SLC4A4: variants seen among roughly 807,000 people sequenced by gnomAD.
SLC4A4 encodes solute carrier family 4 member 4.
SLC4A4 carries 27 observed loss-of-function variants against 111.5 expected under a neutral mutation model. The ratio of observed to expected loss-of-function variants is 0.24; its 90% confidence interval spans 0.18 to 0.33. The LOEUF (loss-of-function observed/expected upper bound fraction) is 0.33. Ranked by LOEUF, SLC4A4 falls within the 10% of genes least tolerant of loss-of-function variation. The probability of loss-of-function intolerance (pLI) is 1.00; values close to 1 mark genes in which losing one functional copy is unlikely to be tolerated. For missense variants in SLC4A4, 909 were observed against 1,315.5 expected, an observed-to-expected ratio of 0.69 and a Z score of 4.78; for synonymous variants, 443 against 463.4, an observed-to-expected ratio of 0.96 and a Z score of 0.57.
At chr4:71,414,055 G>A (rs1291769185) in intron 7 of SLC4A4, among the ~76,000 whole-genome samples, 1 of 152,190 alleles carries the variant, frequency 6.6e-6, no homozygotes, top group Non-Finnish European at 1.5e-5. Flanking sequence ...TGGTTCTTAA[G>A]CTTTTCTCAT....
intron 1 of SLC4A4, among the ~76,000 whole-genome samples, chr4:71,213,183 ATGACTGCATAAGACC>A (rs1340101004): frequency 2.0e-5 from 3 of 152,248 alleles, no homozygotes; most frequent in Non-Finnish European, 4.4e-5. Context: ...TTACCAATGC[ATGACTGCATAAGACC>A]TGATGATAAC....
At chr4:71,212,330 C>T (rs1192749276) in intron 1 of SLC4A4, among the ~76,000 whole-genome samples, 1 of 152,130 alleles carries the variant, frequency 6.6e-6, no homozygotes, top group African/African-American at 2.4e-5. Flanking sequence ...ATGTAGTCAC[C>T]ATCCTGTGTT....
intron 1 of SLC4A4, among the ~76,000 whole-genome samples, chr4:71,063,284 T>G (rs1021784721): frequency 1.1e-4 from 17 of 152,202 alleles, no homozygotes; most frequent in Admixed American, 2.6e-4. Flanking sequence ...GTAGTTTCTA[T>G]AAAGTGTTCT....
chr4:71,191,942 T>C (rs1745749981), intron 1 of SLC4A4, among the ~76,000 whole-genome samples: 1 of 152,106 alleles, frequency 6.6e-6, no homozygotes, highest in Non-Finnish European at 1.5e-5. Context: ...TAAATAAAAC[T>C]CCTAGTATGC....
At chr4:71,531,480 T>C (rs1213709692) in intron 16 of SLC4A4, among the ~76,000 whole-genome samples, 1 of 152,100 alleles carries the variant, frequency 6.6e-6, no homozygotes, top group Non-Finnish European at 1.5e-5. Flanking sequence ...TTGACATTAC[T>C]TTGAGGTCTT....
chr4:71,132,831 T>G lies in SLC4A4; in HGVS notation c.-2+40039T>G, dbSNP rs114974170. ...CCTAAGCAATCCAGTAATCAAAGTC[T>G]CTGTTATCATTGTCCTCTTTGGGAT... On this transcript the variant is annotated intron_variant, in intron 2 of 26. Coordinates refer to the SLC4A4 transcript ENST00000649996. Among the ~76,000 whole-genome samples the G allele has an allele frequency of 6.7e-3, 1,017 of 152,302 alleles. 5 individuals are homozygous for G. The highest frequency in any genetic ancestry group is 0.024 in the Middle Eastern group (7 of 294).
intron 1 of SLC4A4, among the ~76,000 whole-genome samples, chr4:71,200,108 C>T (rs1746182325): frequency 6.6e-6 from 1 of 152,166 alleles, no homozygotes; most frequent in South Asian, 2.1e-4. Flanking sequence ...GATGTGGGAT[C>T]TGACAGAACC....
At chr4:71,405,002 C>T (rs1720716253) in intron 7 of SLC4A4, among the ~76,000 whole-genome samples, 1 of 151,278 alleles carries the variant, frequency 6.6e-6, no homozygotes, top group Admixed American at 6.6e-5. Context: ...TTTTTTGAGA[C>T]ATGCAGTTTT....
At chr4:71,473,140 G>C in intron 14 of SLC4A4, 170 bp downstream of exon 14, 1 of 772,810 alleles carries the variant, frequency 1.3e-6, no homozygotes, top group Non-Finnish European at 2.2e-6. Context: ...AGGTATTTTA[G>C]CTGTATGATT....
At chr4:71,551,930 A>G (rs879393871) in intron 20 of SLC4A4, among the ~76,000 whole-genome samples, 1 of 151,910 alleles carries the variant, frequency 6.6e-6, no homozygotes, top group Non-Finnish European at 1.5e-5. Flanking sequence ...TATAGTTGTT[A>G]CTGCTGAAAG....
intron 2 of SLC4A4, among the ~76,000 whole-genome samples, chr4:71,145,556 G>A (rs1744139813): frequency 6.6e-6 from 1 of 151,730 alleles, no homozygotes; most frequent in African/African-American, 2.4e-5. Context: ...GGTAGAATTC[G>A]GCTGTGAATC....
In SLC4A4 at chr4:71,135,675, C is replaced by T. The variant is rs115414775; in HGVS notation, c.-2+42883C>T. On this transcript the variant is annotated intron_variant, in intron 2 of 26. Transcript: ENST00000649996. The stretch of plus-strand genomic sequence containing the variant: ...AGTTGCCACATTTTACAATAGATTT[C>T]TTGAACTTATTTCTCCTAACTGAAA... Among the ~76,000 whole-genome samples the T allele has an allele frequency of 3.7e-3, 567 of 152,268 alleles. 4 individuals are homozygous for T. The highest frequency in any genetic ancestry group is 0.012 in the African/African-American group (514 of 41,556).
chr4:71,161,471 T>C (rs1040185817), intron 2 of SLC4A4, among the ~76,000 whole-genome samples: 2 of 152,188 alleles, frequency 1.3e-5, no homozygotes, highest in Middle Eastern at 3.2e-3. Flanking sequence ...TAGACTTCCA[T>C]AGGGCAGGTC....
intron 18 of SLC4A4, among the ~76,000 whole-genome samples, chr4:71,535,332 C>T (rs918291512): frequency 6.6e-6 from 1 of 151,972 alleles, no homozygotes; most frequent in South Asian, 2.1e-4. Context: ...ACCCATTGAG[C>T]AGAGGAATGA....
At chr4:71,468,329 T>G (rs991087155) in intron 13 of SLC4A4, among the ~76,000 whole-genome samples, 3 of 152,056 alleles carry the variant, frequency 2.0e-5, no homozygotes, top group Non-Finnish European at 2.9e-5. Context: ...ATGCACAAAC[T>G]TTGCAGAAAG....
intron 1 of SLC4A4, among the ~76,000 whole-genome samples, chr4:71,194,042 CA>C (rs1268553081): frequency 2.0e-5 from 3 of 152,162 alleles, no homozygotes; most frequent in African/African-American, 7.2e-5. Context: ...AACTTGTCCT[CA>C]ATGCTTTACA....
intron 7 of SLC4A4, among the ~76,000 whole-genome samples, chr4:71,404,502 A>G (rs759652221): frequency 6.6e-6 from 1 of 152,154 alleles, no homozygotes; most frequent in Non-Finnish European, 1.5e-5. Flanking sequence ...ATTTGATGTC[A>G]CTTTTTTTCT....
intron 1 of SLC4A4, among the ~76,000 whole-genome samples, chr4:71,197,666 G>GTA (rs1380226715): frequency 7.2e-5 from 11 of 152,130 alleles, no homozygotes; most frequent in Admixed American, 1.3e-4. Context: ...CATGGCACAT[G>GTA]TATACATATG....
At chr4:71,231,754 C>T (rs575533009) in intron 1 of SLC4A4, among the ~76,000 whole-genome samples, 4 of 152,188 alleles carry the variant, frequency 2.6e-5, no homozygotes, top group South Asian at 2.1e-4. Context: ...TTGTTTTCAG[C>T]GAATGCAGGT....
Sources: allele counts gnomAD v4.1 joint callset (sites outside exome capture counted in the v4.1 genomes callset), GRCh38; gene constraint gnomAD v4.1.1; transcripts MANE v1.5; gene names NCBI Gene and HGNC (gene_info 2026-07-23, HGNC 2026-07-21).